Variants in PMP22 observed in about 807,000 individuals in gnomAD.
PMP22 encodes peripheral myelin protein 22.
PMP22 carries 2 observed loss-of-function variants against 18.9 expected under a neutral mutation model. The observed-to-expected ratio is 0.11, with a 90% CI of 0.04 to 0.33. PMP22 has a LOEUF of 0.33. PMP22 is among the 10% of genes least tolerant of loss of function. The pLI, the probability that PMP22 is intolerant of heterozygous loss-of-function variation, is 1.00. For missense variants in PMP22, 169 were observed against 202.2 expected (o/e 0.84, Z 1.00); for synonymous variants, 95 against 89.2 (o/e 1.07, Z -0.37).
chr17:15,239,578 A>T lies in PMP22; in HGVS notation c.212T>A (p.Leu71Gln), dbSNP rs940401899. 3.1e-6 allele frequency: 5 copies of T among 1,613,910 alleles called. No homozygotes were observed. Among genetic ancestry groups the T allele is most frequent in the Non-Finnish European group, 4.2e-6 (5 of 1,179,766 alleles). ...WLQSVQATMILSIIFSILSLF... is the reference protein window; with the variant it reads ...WLQSVQATMIQSIIFSILSLF... ...AGACAGAATGCTGAAGATGATCGAC[A>T]GGATCATGGTGGCCTGGACAGACTG... Residue 71 changes from leucine (L) to glutamine (Q), a missense_variant, in exon 4 of 5, where the codon CTG becomes CAG. Coordinates refer to ENST00000312280, the MANE Select transcript of PMP22 (RefSeq NM_000304.4).
chr17:15,252,127 C>A (rs1187351906), intron 3 of PMP22, among the ~76,000 whole-genome samples: 2 of 152,032 alleles, frequency 1.3e-5, no homozygotes, highest in Non-Finnish European at 2.9e-5. Flanking sequence ...AAACATGAAC[C>A]CATAAATGCA....
At chr17:15,247,954 G>A (rs1464415775) in intron 3 of PMP22, among the ~76,000 whole-genome samples, 3 of 152,116 alleles carry the variant, frequency 2.0e-5, no homozygotes, top group African/African-American at 4.8e-5. Flanking sequence ...GGACTCCCAC[G>A]CCCAAACCTC....
At chr17:15,264,695 C>G (rs1033502188) in intron 1 of PMP22, among the ~76,000 whole-genome samples, 7 of 152,200 alleles carry the variant, frequency 4.6e-5, no homozygotes, top group African/African-American at 1.7e-4. Context: ...CTGTCCCTCA[C>G]TGCCTCTGGC....
At chr17:15,240,008 A>G (rs1169720771) in intron 3 of PMP22, among the ~76,000 whole-genome samples, 2 of 152,224 alleles carry the variant, frequency 1.3e-5, no homozygotes, top group Non-Finnish European at 2.9e-5. Flanking sequence ...TATATAAAAA[A>G]CACATGTGAA....
At chr17:15,250,599 T>G (rs1169188426) in intron 3 of PMP22, among the ~76,000 whole-genome samples, 1 of 152,136 alleles carries the variant, frequency 6.6e-6, no homozygotes, top group Non-Finnish European at 1.5e-5. Flanking sequence ...CAGTCCAAGA[T>G]TCAGTTACAC....
rs575782066 is a variant in PMP22 at position 15,234,959 on chromosome 17, G to A, written c.320-3879C>T. On this transcript the variant is annotated intron_variant, in intron 4 of 4. Coordinates refer to ENST00000312280, the MANE Select transcript of PMP22 (RefSeq NM_000304.4). ...AGCCTCCTGAATAGCTGGGACCACA[G>A]GCGTGCTCCAAGGCACCCCACTAAT... Among the ~76,000 whole-genome samples the A allele has an allele frequency of 2.6e-5, 4 of 152,162 alleles. No individual in the cohort carries two copies. The South Asian group carries it at 6.2e-4, about 24-fold the overall frequency.
At chr17:15,239,719 C>G in intron 3 of PMP22, 108 bp from the exon 4 acceptor site, 1 of 1,053,590 alleles carries the variant, frequency 9.5e-7, no homozygotes, top group Admixed American at 1.9e-5. Flanking sequence ...ACAGTCCTCA[C>G]AGGCAGCAGA....
chr17:15,261,354 A>C lies in PMP22; in HGVS notation c.-34-593T>G, dbSNP rs1302592756. ...AGTTTCCACCCAACTCTGCCAGCGT[A>C]GAGGAACGGTCCTGGCCCCAGCTCA... On this transcript the variant is annotated intron_variant, in intron 1 of 4. Transcript: ENST00000312280. The surrounding 1 kb of genome is among the most constrained non-coding windows in gnomAD (Gnocchi z 5.2). 6.5e-6 allele frequency: 1 copy of C among 152,772 alleles called. No individual in the cohort carries two copies. Among genetic ancestry groups the C allele is most frequent in the Non-Finnish European group, 1.5e-5 (1 of 68,528 alleles). 9.5% of individuals were successfully genotyped at this position (152,772 alleles called of 1,614,324 possible).
At chr17:15,239,645 GC>G in intron 3 of PMP22, 34 bp from the exon 4 acceptor site, 1 of 1,612,600 alleles carries the variant, frequency 6.2e-7, no homozygotes, top group Non-Finnish European at 8.5e-7. Flanking sequence ...AGGAGAGCTG[GC>G]CATGGCCGGG....
chr17:15,230,621 G>A lies in PMP22; in HGVS notation c.*296C>T. The A allele has an allele frequency of 7.0e-6, 3 of 428,510 alleles. No homozygotes were observed. Among genetic ancestry groups the A allele is most frequent in the South Asian group, 6.8e-5 (3 of 44,174 alleles). The allele number at this position is 428,510 out of a possible 1,614,324, so 26.5% of individuals were successfully genotyped here. A position where few individuals can be genotyped will look rare whatever the true frequency, so the allele number is the denominator to read the frequency against. ...CAAAAATACTGAGCTGGATTATACT[G>A]TTAGGATGTAAAGTTCCTTAGCTAC... On this transcript the variant is annotated 3_prime_UTR_variant, in exon 5 of 5. Transcript: ENST00000312280.
At chr17:15,255,613 A>G (rs988761165) in intron 3 of PMP22, among the ~76,000 whole-genome samples, 2 of 152,180 alleles carry the variant, frequency 1.3e-5, no homozygotes, top group African/African-American at 2.4e-5. Context: ...TTAAGCCCCT[A>G]TCATTTGAAG....
chr17:15,241,618 C>A (rs1031578137), intron 3 of PMP22, among the ~76,000 whole-genome samples: 5 of 152,136 alleles, frequency 3.3e-5, no homozygotes, highest in Admixed American at 3.3e-4. Context: ...AACTTAAAAT[C>A]TTTATATGTT....
intron 4 of PMP22, among the ~76,000 whole-genome samples, chr17:15,238,544 C>G (rs1049278119): frequency 1.3e-5 from 2 of 152,132 alleles, no homozygotes; most frequent in Non-Finnish European, 2.9e-5. Context: ...GAATTTGGAC[C>G]ACAGAATCCA....
intron 4 of PMP22, among the ~76,000 whole-genome samples, chr17:15,237,081 C>T (rs1312096374): frequency 6.6e-6 from 1 of 152,178 alleles, no homozygotes; most frequent in Admixed American, 6.5e-5. Context: ...CAAAGTCATG[C>T]GCTTTTACAT....
At chr17:15,244,683 A>G (rs12943739) in intron 3 of PMP22, among the ~76,000 whole-genome samples, 1 of 152,236 alleles carries the variant, frequency 6.6e-6, no homozygotes, top group Non-Finnish European at 1.5e-5. Context: ...TGCACACACA[A>G]CATGTCATCA....
intron 4 of PMP22, 39 bp downstream of exon 4, chr17:15,239,432 C>A: frequency 6.2e-7 from 1 of 1,611,896 alleles, no homozygotes; most frequent in Non-Finnish European, 8.5e-7. Context: ...GACTTGGATG[C>A]ACCCCGCTTC....
chr17:15,229,990 C>T lies in PMP22; in HGVS notation c.*927G>A, dbSNP rs936098741. On this transcript the variant is annotated 3_prime_UTR_variant, in exon 5 of 5. Transcript: ENST00000312280. ...CAGCCAAGCTCTAGGAACTCACGGT[C>T]CCAAGGAGTCTAGACGCTTGTTCTG... 6.6e-6 allele frequency: 1 copy of T among 152,562 alleles called. No homozygotes were observed. The highest frequency in any genetic ancestry group is 2.4e-5 in the African/African-American group (1 of 41,426). The allele number at this position is 152,562 out of a possible 1,614,324, so 9.5% of individuals were successfully genotyped here.
intron 3 of PMP22, among the ~76,000 whole-genome samples, chr17:15,245,307 A>T (rs1022295390): frequency 6.6e-6 from 1 of 152,232 alleles, no homozygotes; most frequent in Non-Finnish European, 1.5e-5. Flanking sequence ...GAGACAGCAG[A>T]TATCACACAC....
At chr17:15,251,250 T>C (rs1431432005) in intron 3 of PMP22, among the ~76,000 whole-genome samples, 1 of 152,150 alleles carries the variant, frequency 6.6e-6, no homozygotes, top group Non-Finnish European at 1.5e-5. Context: ...AGCAGCTCAT[T>C]CCTCCAGTGA....
Sources: allele counts gnomAD v4.1 joint callset (sites outside exome capture counted in the v4.1 genomes callset), GRCh38; gene constraint gnomAD v4.1.1; non-coding constraint Gnocchi (gnomAD v3.1); transcripts MANE v1.5; gene names NCBI Gene and HGNC (gene_info 2026-07-23, HGNC 2026-07-21).